MOXD1: variants seen among roughly 807,000 people sequenced by gnomAD.
MOXD1 encodes the protein DBH-like monooxygenase protein 1.
MOXD1 carries 62 observed loss-of-function variants against 66.6 expected under a neutral mutation model. That is an observed-to-expected ratio of 0.93 (90% confidence interval 0.76 to 1.15). The LOEUF is 1.15. Among genes scored for constraint, MOXD1 ranks in the 50% most tolerant of loss-of-function variants. The pLI is 0.00. For missense variants in MOXD1, 847 were observed against 754.6 expected, an observed-to-expected ratio of 1.12 and a Z score of -1.44; for synonymous variants, 303 against 281.9, an observed-to-expected ratio of 1.07 and a Z score of -0.75.
At chr6:132,392,301 T>A in intron 1 of MOXD1, 2 of 1,595,482 alleles carry the variant, frequency 1.3e-6, no homozygotes, top group Admixed American at 3.5e-5. Context: ...CAAGCAAGGC[T>A]GTAAGAAATG....
chr6:132,340,679 C>T (rs959633815), intron 4 of MOXD1, among the ~76,000 whole-genome samples: 2 of 120,376 alleles, frequency 1.7e-5, no homozygotes, highest in Admixed American at 1.9e-4. Flanking sequence ...CGGAGTCTCG[C>T]TCTGTCACCC....
At chr6:132,385,868 C>T (rs1461246661) in intron 1 of MOXD1, among the ~76,000 whole-genome samples, 1 of 151,918 alleles carries the variant, frequency 6.6e-6, no homozygotes, top group Admixed American at 6.5e-5. Flanking sequence ...CTCTGGGAGG[C>T]TGAGGCGGGC....
chr6:132,358,055 A>G (rs956907340), intron 4 of MOXD1, among the ~76,000 whole-genome samples: 1 of 152,176 alleles, frequency 6.6e-6, no homozygotes, highest in Non-Finnish European at 1.5e-5. Flanking sequence ...TTACAGTAGT[A>G]TTGTGATAGG....
At chr6:132,335,215 C>T (rs536138855) in intron 4 of MOXD1, among the ~76,000 whole-genome samples, 9 of 151,196 alleles carry the variant, frequency 6.0e-5, no homozygotes, top group South Asian at 4.2e-4. Context: ...AAAAAAAATC[C>T]GTATGGTTTT....
chr6:132,324,028 A>G lies in MOXD1; in HGVS notation c.1016T>C (p.Ile339Thr). 1 of 1,613,994 alleles carries G rather than the reference A, an allele frequency of 6.2e-7. No homozygotes were observed. Among genetic ancestry groups the G allele is most frequent in the Non-Finnish European group, 8.5e-7 (1 of 1,179,868 alleles). ...MDIRKYDAGV[I>T]EAGLWVSLFH... ...GAGGCTCACCCAGAGGCCAGCCTCA[A>G]TCACCCCAGCATCATATTTCCTTAT... The change falls in exon 7 of 12, where the codon ATT becomes ACT. Residue 339 changes from isoleucine (I) to threonine (T), a missense_variant. Transcript: ENST00000367963.
intron 1 of MOXD1, among the ~76,000 whole-genome samples, chr6:132,397,757 A>T (rs1776929799): frequency 6.6e-6 from 1 of 152,202 alleles, no homozygotes; most frequent in African/African-American, 2.4e-5. Flanking sequence ...AAGAACAAAC[A>T]GAAGATCTGG....
rs1774614478 is a variant in MOXD1 at position 132,303,825 on chromosome 6, GTGTGTGTGTGTATA to G, written c.1509-5884_1509-5871del. Among the ~76,000 whole-genome samples, 18 of 96,832 alleles carry G rather than the reference GTGTGTGTGTGTATA, an allele frequency of 1.9e-4. No individual in the cohort carries two copies. The East Asian group carries it at 4.8e-3, about 26-fold the overall frequency. The allele number at this position is 96,832 out of a possible 152,430, so 63.5% of individuals were successfully genotyped here. On this transcript the variant is annotated intron_variant, in intron 10 of 11. Transcript: ENST00000367963. ...CACACACATGTGTGTGTGTGTGTGT[GTGTGTGTGTGTATA>G]TATATATATATATATATATATATAT... is the stretch of plus-strand genomic sequence containing the variant.
At chr6:132,316,753 G>A (rs1035624903) in intron 9 of MOXD1, among the ~76,000 whole-genome samples, 10 of 152,040 alleles carry the variant, frequency 6.6e-5, no homozygotes, top group African/African-American at 2.4e-4. Flanking sequence ...AGAGATCTAT[G>A]GGACAACATT....
At chr6:132,390,221 A>G (rs541518361) in intron 1 of MOXD1, among the ~76,000 whole-genome samples, 13 of 151,660 alleles carry the variant, frequency 8.6e-5, no homozygotes, top group African/African-American at 3.1e-4. Context: ...TATTTTCCCC[A>G]GGTAGGTAGT....
At chr6:132,328,334 C>T (rs906922648) in intron 5 of MOXD1, 81 bp downstream of exon 5, 5 of 1,532,540 alleles carry the variant, frequency 3.3e-6, no homozygotes, top group Non-Finnish European at 3.5e-6. Flanking sequence ...AGCTTTACTT[C>T]TAAGTATTAA....
At chr6:132,375,916 T>C (rs948496935) in intron 1 of MOXD1, among the ~76,000 whole-genome samples, 5 of 152,184 alleles carry the variant, frequency 3.3e-5, no homozygotes, top group Non-Finnish European at 1.5e-5. Context: ...TTTTGAAAAA[T>C]AAACAAATGA....
intron 2 of MOXD1, among the ~76,000 whole-genome samples, chr6:132,374,100 ATATT>A (rs1279896158): frequency 2.0e-5 from 3 of 152,324 alleles, no homozygotes; most frequent in Non-Finnish European, 2.9e-5. Flanking sequence ...TATCTTCTAA[ATATT>A]TAATTTGAAT....
At chr6:132,315,902 A>G in intron 9 of MOXD1, 125 bp from the exon 10 acceptor site, 3 of 1,019,952 alleles carry the variant, frequency 2.9e-6, no homozygotes, top group Non-Finnish European at 4.3e-6. Context: ...AAAGCTGAAA[A>G]GTTAAAAAAC....
At position 132,329,209 on chromosome 6, in the gene MOXD1, G is replaced by A. The variant is rs181744355; in HGVS notation, c.664-615C>T. On this transcript the variant is annotated intron_variant, in intron 4 of 11. Coordinates refer to ENST00000367963, the MANE Select transcript of MOXD1 (RefSeq NM_015529.4). ...AATTCCCACCTATGAGTGAGAACAT[G>A]CGGTGTTTGGTTTTCTGTCCTTGGC... Among the ~76,000 whole-genome samples the A allele has an allele frequency of 8.4e-3, 1,272 of 152,214 alleles. 28 individuals carry two copies. The highest frequency in any genetic ancestry group is 0.029 in the African/African-American group (1,215 of 41,512).
In MOXD1 at chr6:132,370,014, C is replaced by T. The variant is rs1051724383; in HGVS notation, c.663+2594G>A. ...TGACTTCTCACAATTCAACTGTGATCGATATTCTTAAAACTCACTGCAAAT... is the reference window on the plus strand; with the variant it reads ...TGACTTCTCACAATTCAACTGTGATTGATATTCTTAAAACTCACTGCAAAT... On this transcript the variant is annotated intron_variant, in intron 4 of 11. Coordinates refer to ENST00000367963, the MANE Select transcript of MOXD1 (RefSeq NM_015529.4). Among the ~76,000 whole-genome samples the T allele has an allele frequency of 2.0e-4, 31 of 151,980 alleles. No homozygotes were observed. In the East Asian group the frequency reaches 2.7e-3, roughly 13 times the overall value.
intron 5 of MOXD1, 68 bp from the exon 6 acceptor site, chr6:132,328,183 A>G: frequency 7.3e-7 from 1 of 1,376,180 alleles, no homozygotes; most frequent in South Asian, 1.2e-5. Context: ...CCACTCAAAA[A>G]CCAGCCATCT....
intron 4 of MOXD1, among the ~76,000 whole-genome samples, chr6:132,335,157 G>T (rs1261087149): frequency 6.6e-6 from 1 of 151,378 alleles, no homozygotes; most frequent in African/African-American, 2.4e-5. Flanking sequence ...CCTGAAAACA[G>T]ATTCAGTTCA....
rs1274312345 is a variant in MOXD1, at chr6:132,349,404, TAC to T, written c.664-20812_664-20811del. On this transcript the variant is annotated intron_variant, in intron 4 of 11. Transcript: ENST00000367963. ...ATGTATATATATATACACATATATA[TAC>T]ATATATATATATATACATATATATA... 4.1e-3 allele frequency among the ~76,000 whole-genome samples: 175 copies of T among 42,192 alleles called. 5 individuals carry two copies. Among genetic ancestry groups the T allele is most frequent in the African/African-American group, 0.014 (127 of 8,792 alleles). The allele number at this position is 42,192 out of a possible 152,430, so 27.7% of individuals were successfully genotyped here.
intron 1 of MOXD1, among the ~76,000 whole-genome samples, chr6:132,382,953 G>C (rs1776541172): frequency 6.6e-6 from 1 of 152,174 alleles, no homozygotes; most frequent in Non-Finnish European, 1.5e-5. Context: ...GACTGGTGCT[G>C]TGTTACACAG....
Sources: allele counts gnomAD v4.1 joint callset (sites outside exome capture counted in the v4.1 genomes callset), GRCh38; gene constraint gnomAD v4.1.1; transcripts MANE v1.5; gene names NCBI Gene and HGNC (gene_info 2026-07-23, HGNC 2026-07-21).